PLEKHA7: variants seen among roughly 807,000 people sequenced by gnomAD.
PLEKHA7 encodes pleckstrin homology domain containing A7, also known as pleckstrin homology domain-containing family A member 7.
A neutral mutation model predicts 170.0 loss-of-function variants in PLEKHA7; 104 were observed. The observed-to-expected ratio is 0.61, with a 90% confidence interval of 0.52 to 0.72. The LOEUF (loss-of-function observed/expected upper bound fraction) is 0.72. Among genes scored for constraint, PLEKHA7 ranks in the 30% least tolerant of loss-of-function variants. The probability of loss-of-function intolerance (pLI) is 0.00; values close to 1 mark genes in which losing one functional copy is unlikely to be tolerated. For synonymous variants in PLEKHA7, 648 were observed against 660.8 expected, an observed-to-expected ratio of 0.98 and a Z score of 0.30; for missense variants, 1,615 against 1,671.7, an observed-to-expected ratio of 0.97 and a Z score of 0.59.
At chr11:16,893,565 G>A (rs1856809531) in intron 3 of PLEKHA7, among the ~76,000 whole-genome samples, 1 of 152,148 alleles carries the variant, frequency 6.6e-6, no homozygotes, top group African/African-American at 2.4e-5. Flanking sequence ...TAATTCTCTA[G>A]TACCCGCCCC....
chr11:16,820,301 T>C (rs1448578983), intron 10 of PLEKHA7, among the ~76,000 whole-genome samples: 1 of 152,256 alleles, frequency 6.6e-6, no homozygotes, highest in Non-Finnish European at 1.5e-5. Flanking sequence ...AAGTCTCACC[T>C]TCCTTATTAC....
chr11:16,994,985 G>A (rs879577596), intron 3 of PLEKHA7, among the ~76,000 whole-genome samples: 2 of 152,210 alleles, frequency 1.3e-5, no homozygotes, highest in Non-Finnish European at 2.9e-5. Context: ...CTACAGCAGT[G>A]AACACAACAG....
Position 17,002,989 on chromosome 11 carries a change from C to CTTTTTTTTTTTTTTTTTTTTTTTTTTT in PLEKHA7, c.221+10999_221+11000insAAAAAAAAAAAAAAAAAAAAAAAAAAA, listed in dbSNP as rs568718448. Among the ~76,000 whole-genome samples, 5 of 112,990 alleles carry CTTTTTTTTTTTTTTTTTTTTTTTTTTT rather than the reference C, an allele frequency of 4.4e-5. 2 individuals carry two copies. Among genetic ancestry groups the CTTTTTTTTTTTTTTTTTTTTTTTTTTT allele is most frequent in the Non-Finnish European group, 7.1e-5 (4 of 56,146 alleles). 74.1% of individuals were successfully genotyped at this position (112,990 alleles called of 152,430 possible). On this transcript the variant is annotated intron_variant, in intron 3 of 26. Transcript: ENST00000531066. ...CCTTTAAGTACCAGAATAGTTGTGC[C>CTTTTTTTTTTTTTTTTTTTTTTTTTTT]TTTTTTTTTTTTTTTTTTTTGTGAT...
At chr11:16,887,188 A>G (rs1590472546) in intron 3 of PLEKHA7, among the ~76,000 whole-genome samples, 1 of 152,242 alleles carries the variant, frequency 6.6e-6, no homozygotes, top group Middle Eastern at 3.4e-3. Flanking sequence ...AAGAGCTTCA[A>G]CAATAGGCTA....
chr11:16,955,044 A>C (rs913527257), intron 3 of PLEKHA7, among the ~76,000 whole-genome samples: 3 of 152,206 alleles, frequency 2.0e-5, no homozygotes, highest in African/African-American at 7.2e-5. Context: ...TGCAAATGTC[A>C]GAGTAATTTT....
At chr11:16,786,611 T>G (rs963545996) in intron 23 of PLEKHA7, 1 of 985,310 alleles carries the variant, frequency 1.0e-6, no homozygotes, top group Non-Finnish European at 1.2e-6. Context: ...ACATACACCC[T>G]TGGGGCACAG....
intron 3 of PLEKHA7, among the ~76,000 whole-genome samples, chr11:16,961,439 C>T (rs1862052860): frequency 6.6e-6 from 1 of 152,262 alleles, no homozygotes; most frequent in African/African-American, 2.4e-5. Context: ...GAGCCTTCCT[C>T]AGCTTCCAGC....
In PLEKHA7 at chr11:16,802,223, G is replaced by A. The variant is rs965451707; in HGVS notation, c.2158-406C>T. ...ATGCAAAAGGAAAAAAATACTTTAAGAATAGAAAAGGCCAAATGTTGGTGG... is the reference window on the plus strand; with the variant it reads ...ATGCAAAAGGAAAAAAATACTTTAAAAATAGAAAAGGCCAAATGTTGGTGG... On this transcript the variant is annotated intron_variant, in intron 15 of 26. Transcript: ENST00000531066. Among the ~76,000 whole-genome samples the A allele has an allele frequency of 5.9e-5, 9 of 152,222 alleles. No individual in the cohort carries two copies. The South Asian group carries it at 6.2e-4, about 11-fold the overall frequency.
At chr11:16,832,761 C>A (rs1851218109) in intron 9 of PLEKHA7, among the ~76,000 whole-genome samples, 1 of 152,152 alleles carries the variant, frequency 6.6e-6, no homozygotes, top group South Asian at 2.1e-4. Flanking sequence ...ACCTAAATGA[C>A]CAAACTAGGA....
intron 3 of PLEKHA7, among the ~76,000 whole-genome samples, chr11:16,903,785 A>G (rs1857486263): frequency 6.6e-6 from 1 of 152,246 alleles, no homozygotes; most frequent in South Asian, 2.1e-4. Flanking sequence ...TCCAAAAGAC[A>G]TAATCAAACT....
chr11:16,984,490 T>G (rs1046420238), intron 3 of PLEKHA7, among the ~76,000 whole-genome samples: 1 of 152,104 alleles, frequency 6.6e-6, no homozygotes, highest in Non-Finnish European at 1.5e-5. Context: ...CTCCCTGAGC[T>G]CCATCCACTC....
At chr11:16,962,007 G>A (rs919230713) in intron 3 of PLEKHA7, among the ~76,000 whole-genome samples, 2 of 152,190 alleles carry the variant, frequency 1.3e-5, no homozygotes, top group African/African-American at 2.4e-5. Context: ...AGGAGCCTAC[G>A]TTGCAAAATC....
At position 16,796,683 on chromosome 11, in the gene PLEKHA7, G is replaced by C. The variant is rs949338455; in HGVS notation, c.2410-1665C>G. Among the ~76,000 whole-genome samples, 3 of 152,136 alleles carry C rather than the reference G, an allele frequency of 2.0e-5. No homozygotes were observed. The South Asian group carries it at 6.2e-4, about 32-fold the overall frequency. ...CTTATTTACTTATTTATTTGAGATA[G>C]GGTCACTTTGTTGCCCAGGTTGAAG... On this transcript the variant is annotated intron_variant, in intron 17 of 26. Coordinates refer to ENST00000531066, the MANE Select transcript of PLEKHA7 (RefSeq NM_001329630.2).
intron 3 of PLEKHA7, among the ~76,000 whole-genome samples, chr11:16,929,450 T>C (rs1259442284): frequency 6.6e-6 from 1 of 152,226 alleles, no homozygotes; most frequent in Non-Finnish European, 1.5e-5. Context: ...CATATACTCT[T>C]GGTCCTAAGA....
chr11:16,883,440 G>A (rs1855854961), intron 3 of PLEKHA7, among the ~76,000 whole-genome samples: 1 of 152,156 alleles, frequency 6.6e-6, no homozygotes, highest in African/African-American at 2.4e-5. Flanking sequence ...GTTTAAGCAT[G>A]CTGGAGCACT....
intron 9 of PLEKHA7, among the ~76,000 whole-genome samples, chr11:16,829,626 A>G (rs1054705582): frequency 2.0e-5 from 3 of 152,120 alleles, no homozygotes; most frequent in Non-Finnish European, 4.4e-5. Context: ...AAATACAAAA[A>G]TTAGCTGGGC....
intron 3 of PLEKHA7, among the ~76,000 whole-genome samples, chr11:16,882,695 C>G (rs1156295950): frequency 6.6e-6 from 1 of 152,190 alleles, no homozygotes; most frequent in Non-Finnish European, 1.5e-5. Context: ...ACACATTCAA[C>G]ACTTATTAAA....
chr11:16,803,202 T>C, intron 14 of PLEKHA7, 25 bp downstream of exon 14: 1 of 1,607,500 alleles, frequency 6.2e-7, no homozygotes, highest in South Asian at 1.1e-5. Flanking sequence ...AGCTGAGGGG[T>C]CAGCGTGTCA....
At chr11:16,787,715 T>C (rs1463258895) in intron 23 of PLEKHA7, 1 of 152,236 alleles carries the variant, frequency 6.6e-6, no homozygotes, top group Non-Finnish European at 1.5e-5. Flanking sequence ...ACAAGTCTTC[T>C]TTTTTAAGAG....
Sources: gnomAD v4.1 joint callset for allele counts (sites outside exome capture counted in the v4.1 genomes callset) on GRCh38, gnomAD v4.1.1 for gene constraint, MANE v1.5 for transcripts, NCBI Gene and HGNC (gene_info 2026-07-23, HGNC 2026-07-21) for gene names.